The following DHX34 variants were observed in gnomAD, a reference collection of about 807,000 sequenced individuals.
The protein encoded by DHX34 is probable ATP-dependent RNA helicase DHX34.
In DHX34, 96 loss-of-function variants were observed where a neutral mutation model predicts 111.1. The observed-to-expected ratio is 0.86, with a 90% CI of 0.73 to 1.02. The LOEUF (loss-of-function observed/expected upper bound fraction) is 1.02. DHX34 is among the 50% of genes least tolerant of loss of function. DHX34 has a pLI of 0.00. For missense variants in DHX34, 1,560 were observed against 1,579.9 expected (o/e 0.99, Z 0.21); for synonymous variants, 688 against 670.4 (o/e 1.03, Z -0.41).
At chr19:47,355,421 C>G (rs74174231) in intron 3 of DHX34, 71 bp downstream of exon 3, 244 of 1,552,600 alleles carry the variant, frequency 1.6e-4, no homozygotes, top group Admixed American at 6.0e-4. Flanking sequence ...GGACATGCCT[C>G]TTCTCTCTGC....
In DHX34 at chr19:47,353,845, G is replaced by A; in HGVS notation, c.705+110G>A. 9.4e-7 allele frequency: 1 copy of A among 1,068,962 alleles called. No homozygotes were observed. The highest frequency in any genetic ancestry group is 1.3e-6 in the Non-Finnish European group (1 of 767,862). The allele number at this position is 1,068,962 out of a possible 1,614,324, so 66.2% of individuals were successfully genotyped here. A position where few individuals can be genotyped will look rare whatever the true frequency, so the allele number is the denominator to read the frequency against. On this transcript the variant is annotated intron_variant, in intron 2 of 16. Coordinates refer to ENST00000328771, the MANE Select transcript of DHX34 (RefSeq NM_014681.6). The surrounding 1 kb of genome is among the most constrained non-coding windows in gnomAD (Gnocchi z 4.6). The stretch of plus-strand genomic sequence containing the variant: ...AATGAAGCACTTACCCTTGGACCCA[G>A]CGATGATTCTTCTAGAACTTTATCC...
chr19:47,375,810 C>A, intron 10 of DHX34, 102 bp downstream of exon 10: 1 of 1,548,114 alleles, frequency 6.5e-7, no homozygotes, highest in Non-Finnish European at 8.7e-7. Context: ...TTTCAGGAGC[C>A]GGGTTTCCAT....
intron 13 of DHX34, among the ~76,000 whole-genome samples, chr19:47,377,898 C>A (rs1440952967): frequency 6.6e-6 from 1 of 152,058 alleles, no homozygotes; most frequent in Non-Finnish European, 1.5e-5. Flanking sequence ...GCCATGGGCC[C>A]CATGGCAGCC....
intron 4 of DHX34, chr19:47,359,713 C>T (rs1325121548): frequency 8.9e-6 from 3 of 335,458 alleles, no homozygotes; most frequent in Non-Finnish European, 1.3e-5. Context: ...ACCCGGGAGG[C>T]AGAGGTTGCA....
At chr19:47,369,977 G>A (rs570594972) in intron 7 of DHX34, among the ~76,000 whole-genome samples, 1 of 152,152 alleles carries the variant, frequency 6.6e-6, no homozygotes, top group South Asian at 2.1e-4. Context: ...TCGTCCCCAC[G>A]CTGTGTCATC....
intron 13 of DHX34, among the ~76,000 whole-genome samples, chr19:47,378,272 C>T (rs1265030364): frequency 1.3e-5 from 2 of 151,924 alleles, no homozygotes; most frequent in African/African-American, 4.9e-5. Context: ...CTCCCTCGAG[C>T]CCGTCTGGTG....
chr19:47,380,951 G>T lies in DHX34; in HGVS notation c.3118G>T (p.Gly1040Cys), dbSNP rs777274900. 2 of 1,600,358 alleles carry T rather than the reference G, an allele frequency of 1.2e-6. No individual in the cohort carries two copies. The highest frequency in any genetic ancestry group is 3.5e-5 in the Admixed American group (2 of 57,046). The change falls in exon 15 of 17, where the codon GGC becomes TGC. Residue 1040 changes from glycine (G) to cysteine (C), a missense_variant. Coordinates refer to ENST00000328771, the MANE Select transcript of DHX34 (RefSeq NM_014681.6). ...STLSPHPTKG[G>C]YAVTDFLTYN... The stretch of plus-strand genomic sequence containing the variant: ...CCTGTCCCCCCACCCCACAAAGGGG[G>T]GCTACGCAGTCACTGACTTCCTCAC...
At chr19:47,359,884 G>T in intron 4 of DHX34, 84 bp from the exon 5 acceptor site, 2 of 1,601,354 alleles carry the variant, frequency 1.2e-6, no homozygotes, top group South Asian at 2.2e-5. Context: ...GGAAGCTGCT[G>T]ACACGGGGGT....
chr19:47,373,631 G>A lies in DHX34; in HGVS notation c.1995G>A (p.Lys665=). 6.2e-7 allele frequency: 1 copy of A among 1,614,000 alleles called. No homozygotes were observed. The highest frequency in any genetic ancestry group is 1.7e-4 in the Middle Eastern group (1 of 6,054). Residue 665 remains lysine, a synonymous_variant, in exon 9 of 17, where the codon AAG becomes AAA. Transcript: ENST00000328771. ...VKSERSRNSR[K]WCRRRGIEEH... ...CTGAACGGAGCAGAAACTCTCGCAA[G>A]TGGTGCCGCCGCCGGGGCATAGAGG...
Position 47,355,240 on chromosome 19 carries a change from C to T in DHX34, c.907C>T (p.Pro303Ser). 2 of 1,614,200 alleles carry T rather than the reference C, an allele frequency of 1.2e-6. No homozygotes were observed. The highest frequency in any genetic ancestry group is 1.1e-5 in the South Asian group (1 of 91,088). Reference protein sequence around the residue: ...GVLQRLLPTRPDLKVILMSAT... With the variant: ...GVLQRLLPTRSDLKVILMSAT... ...CCTCCAGCGCCTGTTGCCCACGCGG[C>T]CTGACCTCAAGGTCATCCTCATGTC... is the stretch of plus-strand genomic sequence containing the variant. The change falls in exon 3 of 17, where the codon CCT (proline) becomes TCT (serine). Residue 303 changes from proline (P) to serine (S), a missense_variant. Transcript: ENST00000328771.
rs954049851 is a variant in DHX34, at chr19:47,372,651, G to A, written c.1769-79G>A. On this transcript the variant is annotated intron_variant, in intron 7 of 16. Transcript: ENST00000328771. ...GTGGGAGCAGGAGGGCAGGCGGGAGGGCAGGCTGGGGCCCCGAGGGGTGAG... is the reference window on the plus strand; with the variant it reads ...GTGGGAGCAGGAGGGCAGGCGGGAGAGCAGGCTGGGGCCCCGAGGGGTGAG... 35 of 1,453,752 alleles carry A rather than the reference G, an allele frequency of 2.4e-5. No homozygotes were observed. The African/African-American group carries it at 5.2e-4, about 21-fold the overall frequency. The allele number at this position is 1,453,752 out of a possible 1,614,324, so 90.1% of individuals were successfully genotyped here. A position where few individuals can be genotyped will look rare whatever the true frequency, so the allele number is the denominator to read the frequency against.
chr19:47,355,417 G>T, intron 3 of DHX34, 67 bp downstream of exon 3: 1 of 1,557,800 alleles, frequency 6.4e-7, no homozygotes, highest in South Asian at 1.2e-5. Context: ...ACCTGGACAT[G>T]CCTCTTCTCT....
At chr19:47,377,271 G>A (rs1195365855) in intron 13 of DHX34, 65 bp downstream of exon 13, 3 of 1,529,752 alleles carry the variant, frequency 2.0e-6, no homozygotes, top group Non-Finnish European at 1.8e-6. Context: ...AGGGTGGTGG[G>A]TGGGGGCACC....
chr19:47,362,065 G>C (rs1969646656), intron 5 of DHX34, among the ~76,000 whole-genome samples: 2 of 152,036 alleles, frequency 1.3e-5, no homozygotes, highest in African/African-American at 4.8e-5. Flanking sequence ...CAGGCAGATT[G>C]CTTGAGCCCA....
At chr19:47,349,985 C>G (rs1363032386) in intron 1 of DHX34, among the ~76,000 whole-genome samples, 1 of 152,072 alleles carries the variant, frequency 6.6e-6, no homozygotes, top group Non-Finnish European at 1.5e-5. Context: ...ACTCACTTAG[C>G]CTCTCTATTG....
At chr19:47,349,511 A>G (rs1969220578) in intron 1 of DHX34, among the ~76,000 whole-genome samples, 159 bp downstream of exon 1, 1 of 152,188 alleles carries the variant, frequency 6.6e-6, no homozygotes, top group Non-Finnish European at 1.5e-5. Context: ...AAACGCGGAC[A>G]GAGATGGCAC....
At position 47,360,012 on chromosome 19, in the gene DHX34, C is replaced by T. The variant is rs745861469; in HGVS notation, c.1317C>T (p.Ser439=). 6.2e-7 allele frequency: 1 copy of T among 1,614,062 alleles called. No individual in the cohort carries two copies. Among genetic ancestry groups the T allele is most frequent in the Non-Finnish European group, 8.5e-7 (1 of 1,179,994 alleles). The change falls in exon 5 of 17, where the codon TCC becomes TCT. Residue 439 remains serine, a synonymous_variant. Transcript: ENST00000328771. ...CTGGAGTCCGGAAATGCATCCTCTCCACCAACATTGCTGAGACCTCAGTCA... is the reference window on the plus strand; with the variant it reads ...CTGGAGTCCGGAAATGCATCCTCTCTACCAACATTGCTGAGACCTCAGTCA... The part of the protein sequence containing the change: ...APPGVRKCIL[S]TNIAETSVTI...
chr19:47,359,496 G>C (rs1169365788), intron 4 of DHX34, among the ~76,000 whole-genome samples: 1 of 151,550 alleles, frequency 6.6e-6, no homozygotes, highest in East Asian at 1.9e-4. Context: ...TGTTCAGGTC[G>C]GGGGAGCAGG....
chr19:47,379,990 C>T lies in DHX34; in HGVS notation c.2982+5C>T. On this transcript the variant is annotated splice_donor_5th_base_variant and intron_variant, in intron 14 of 16. Coordinates refer to ENST00000328771, the MANE Select transcript of DHX34 (RefSeq NM_014681.6). Reference sequence around the variant, plus strand: ...CTGCAATTCACGGCATCCAAGGTACCCTCCACCAGGGTGCCCGTGCCTCCC... The same window carrying T: ...CTGCAATTCACGGCATCCAAGGTACTCTCCACCAGGGTGCCCGTGCCTCCC... The T allele has an allele frequency of 1.3e-6, 2 of 1,575,434 alleles. No individual in the cohort carries two copies. Among genetic ancestry groups the T allele is most frequent in the Non-Finnish European group, 1.7e-6 (2 of 1,152,674 alleles).
Sources: gnomAD v4.1 joint callset for allele counts (sites outside exome capture counted in the v4.1 genomes callset) on GRCh38, gnomAD v4.1.1 for gene constraint, Gnocchi (gnomAD v3.1) non-coding constraint, MANE v1.5 for transcripts, NCBI Gene and HGNC (gene_info 2026-07-23, HGNC 2026-07-21) for gene names.